FBXO17: variants seen among roughly 807,000 people sequenced by gnomAD.
The protein encoded by FBXO17 is F-box only protein 17.
A neutral mutation model predicts 34.1 loss-of-function variants in FBXO17; 43 were observed. The ratio of observed to expected loss-of-function variants is 1.26; its 90% CI spans 0.99 to 1.62. The LOEUF (loss-of-function observed/expected upper bound fraction) is 1.62, where lower values mean the gene tolerates loss of function less well. FBXO17 is among the 40% of genes most tolerant of loss of function. The pLI is 0.00. For synonymous variants in FBXO17, 169 were observed against 166.0 expected (o/e 1.02, Z -0.14); for missense variants, 424 against 386.7 (o/e 1.10, Z -0.81).
Position 38,942,656 on chromosome 19 carries a change from G to T in FBXO17, c.789C>A (p.Gly263=), listed in dbSNP as rs369082887. The part of the protein sequence containing the change: ...RDVSSWVGHY[G]ALVTHSSVRV... ...TCACACTGGAGTGGGTCACAAGGGC[G>T]CCATAGTGCCCCACCCAGGAACTCA... The change falls in exon 6 of 6, where the codon GGC becomes GGA. Residue 263 remains glycine, a synonymous_variant. Coordinates refer to ENST00000292852, the MANE Select transcript of FBXO17 (RefSeq NM_024907.7). The T allele has an allele frequency of 6.3e-7, 1 of 1,599,154 alleles. No individual in the cohort carries two copies. The highest frequency in any genetic ancestry group is 1.1e-5 in the South Asian group (1 of 88,786).
chr19:38,948,511 C>A (rs1186646548), intron 3 of FBXO17, 56 bp downstream of exon 3: 2 of 1,389,388 alleles, frequency 1.4e-6, no homozygotes, highest in Non-Finnish European at 2.0e-6. Flanking sequence ...GGGGTAGGGT[C>A]CCTTTCTTTG....
chr19:38,974,051 TATATATACACAC>T (rs1332551383), intron 1 of FBXO17, among the ~76,000 whole-genome samples: 1 of 147,854 alleles, frequency 6.8e-6, no homozygotes, highest in Admixed American at 6.8e-5. Context: ...TATATACACA[TATATATACACAC>T]ATATATATAT....
In FBXO17 at chr19:38,942,314, A is replaced by G; in HGVS notation, c.*294T>C. 1 of 178,924 alleles carries G rather than the reference A, an allele frequency of 5.6e-6. No individual in the cohort carries two copies. The allele number at this position is 178,924 out of a possible 1,614,324, so 11.1% of individuals were successfully genotyped here. A position where few individuals can be genotyped will look rare whatever the true frequency, so the allele number is the denominator to read the frequency against. On this transcript the variant is annotated 3_prime_UTR_variant, in exon 6 of 6. Transcript: ENST00000292852. ...GGTCTTGCTTTCTCACCCAGGCTGG[A>G]GTGGTGGTGAAATCACGGCTCACTG...
At chr19:38,961,273 A>G (rs1317846263) in intron 1 of FBXO17, among the ~76,000 whole-genome samples, 2 of 129,476 alleles carry the variant, frequency 1.5e-5, no homozygotes, top group African/African-American at 6.1e-5. Context: ...ATTTCAATTG[A>G]TTTTAAATCT....
chr19:38,949,718 C>T lies in FBXO17; in HGVS notation c.349+253G>A, dbSNP rs1975042706. On this transcript the variant is annotated intron_variant, in intron 2 of 5. Transcript: ENST00000292852. ...TTCTGCATCCCCTCTGCATACCAAACTACTTGCTTTCTCCCCCGGCCCAGC... is the reference window on the plus strand; with the variant it reads ...TTCTGCATCCCCTCTGCATACCAAATTACTTGCTTTCTCCCCCGGCCCAGC... The T allele has an allele frequency of 2.2e-5, 13 of 578,122 alleles. No homozygotes were observed. The South Asian group carries it at 2.6e-4, about 12-fold the overall frequency. 35.8% of individuals were successfully genotyped at this position (578,122 alleles called of 1,614,324 possible).
chr19:38,949,833 T>A, intron 2 of FBXO17, 138 bp downstream of exon 2: 6 of 1,104,466 alleles, frequency 5.4e-6, no homozygotes, highest in Non-Finnish European at 6.2e-6. Flanking sequence ...GCCCAGGCAC[T>A]GCGTCCCTCA....
intron 1 of FBXO17, among the ~76,000 whole-genome samples, chr19:38,960,824 T>G (rs1467626397): frequency 3.2e-5 from 4 of 123,894 alleles, no homozygotes; most frequent in African/African-American, 1.3e-4. Flanking sequence ...TTTTTTTTTT[T>G]GATATGGAGT....
At position 38,944,759 on chromosome 19, in the gene FBXO17, G is replaced by T. The variant is rs572059115; in HGVS notation, c.693+210C>A. On this transcript the variant is annotated intron_variant, in intron 5 of 5. Transcript: ENST00000292852. ...AGCACACAGTAGGTGCTCAATCAGT[G>T]TTTGTTGAACATTAAGGGGTTTTGC... 68 of 675,110 alleles carry T rather than the reference G, an allele frequency of 1.0e-4. 1 individual carries two copies. In the African/African-American group the frequency reaches 1.2e-3, roughly 12 times the overall value. The allele number at this position is 675,110 out of a possible 1,614,324, so 41.8% of individuals were successfully genotyped here. A position where few individuals can be genotyped will look rare whatever the true frequency, so the allele number is the denominator to read the frequency against.
At chr19:38,966,156 G>C (rs956782035) in intron 1 of FBXO17, among the ~76,000 whole-genome samples, 2 of 151,548 alleles carry the variant, frequency 1.3e-5, no homozygotes, top group Admixed American at 1.3e-4. Flanking sequence ...TTTTAGTTGA[G>C]ACAGGGTTTC....
intron 5 of FBXO17, chr19:38,944,669 T>C: frequency 2.7e-6 from 1 of 364,608 alleles, no homozygotes; most frequent in Non-Finnish European, 5.0e-6. Flanking sequence ...CTCTGTTTCC[T>C]CAACTCTAGA....
intron 1 of FBXO17, among the ~76,000 whole-genome samples, chr19:38,953,765 G>A (rs148497561): frequency 1.3e-5 from 2 of 152,276 alleles, no homozygotes; most frequent in East Asian, 3.9e-4. Flanking sequence ...GGGGGAAACT[G>A]AATGAGCAGC....
intron 1 of FBXO17, chr19:38,952,741 G>A: frequency 2.1e-6 from 1 of 473,792 alleles, no homozygotes; most frequent in South Asian, 1.5e-5. Context: ...CCTCTCTCTA[G>A]TGACTTTTTC....
chr19:38,956,265 C>CA (rs374424636), intron 1 of FBXO17, among the ~76,000 whole-genome samples: 37,837 of 112,224 alleles, frequency 0.34, 5,662 homozygotes, highest in South Asian at 0.48. Flanking sequence ...GACTCTGTCT[C>CA]AAAAAAAAAA....
At position 38,945,047 on chromosome 19, in the gene FBXO17, A is replaced by G; in HGVS notation, c.615T>C (p.Asp205=). ...CVYQLRVRLL[D]VYEKEVVKFS... ...ACTTGACCACTTCCTTTTCATACACATCCAGAAGGCGGACCCGGAGCTGGT... is the reference window on the plus strand; with the variant it reads ...ACTTGACCACTTCCTTTTCATACACGTCCAGAAGGCGGACCCGGAGCTGGT... The change falls in exon 5 of 6, where the codon GAT becomes GAC. Residue 205 remains aspartate (D), a synonymous_variant. Transcript: ENST00000292852. The G allele has an allele frequency of 6.2e-7, 1 of 1,614,190 alleles. No individual in the cohort carries two copies. Among genetic ancestry groups the G allele is most frequent in the South Asian group, 1.1e-5 (1 of 91,088 alleles).
chr19:38,974,324 C>T (rs1394864855), intron 1 of FBXO17, among the ~76,000 whole-genome samples: 2 of 151,996 alleles, frequency 1.3e-5, no homozygotes, highest in East Asian at 1.9e-4. Context: ...GTGATCCGCC[C>T]GCCTCGGCCT....
At position 38,944,966 on chromosome 19, in the gene FBXO17, C is replaced by T. The variant is rs1481937853; in HGVS notation, c.693+3G>A. 1 of 1,614,078 alleles carries T rather than the reference C, an allele frequency of 6.2e-7. No homozygotes were observed. ...GGGGAGCTGGAAGCTAGTCTGGACCCACCTGTCGGCAGCCCCTCTCAGTCC... is the reference window on the plus strand; with the variant it reads ...GGGGAGCTGGAAGCTAGTCTGGACCTACCTGTCGGCAGCCCCTCTCAGTCC... On this transcript the variant is annotated splice_donor_region_variant and intron_variant, in intron 5 of 5. Coordinates refer to ENST00000292852, the MANE Select transcript of FBXO17 (RefSeq NM_024907.7).
At chr19:38,966,130 C>G (rs937299931) in intron 1 of FBXO17, among the ~76,000 whole-genome samples, 1 of 150,978 alleles carries the variant, frequency 6.6e-6, no homozygotes, top group Non-Finnish European at 1.5e-5. Flanking sequence ...CTACCACGCC[C>G]GGCTAATTTT....
intron 1 of FBXO17, among the ~76,000 whole-genome samples, chr19:38,961,323 T>C (rs1975247477): frequency 6.9e-6 from 1 of 145,300 alleles, no homozygotes; most frequent in East Asian, 2.1e-4. Context: ...TCACCCAGGC[T>C]GGAGTGCAGT....
intron 5 of FBXO17, 89 bp downstream of exon 5, chr19:38,944,880 G>A (rs1974949470): frequency 9.7e-6 from 15 of 1,543,978 alleles, no homozygotes; most frequent in Non-Finnish European, 1.2e-5. Context: ...AGATATCCAG[G>A]AGTGACAGAA....
Sources: gnomAD v4.1 joint callset for allele counts (sites outside exome capture counted in the v4.1 genomes callset) on GRCh38, gnomAD v4.1.1 for gene constraint, MANE v1.5 for transcripts, NCBI Gene and HGNC (gene_info 2026-07-23, HGNC 2026-07-21) for gene names.